Variants in PHC2 observed in about 807,000 individuals in gnomAD.
The protein encoded by PHC2 is polyhomeotic homolog 2.
A neutral mutation model predicts 87.4 loss-of-function variants in PHC2; 29 were observed. That is an observed-to-expected ratio of 0.33 (90% CI 0.25 to 0.45). PHC2 has a LOEUF of 0.45. Among genes scored for constraint, PHC2 ranks in the 20% least tolerant of loss-of-function variants. PHC2 has a pLI of 1.00. For synonymous variants in PHC2, 438 were observed against 461.7 expected, an observed-to-expected ratio of 0.95 and a Z score of 0.66; for missense variants, 857 against 1,136.7, an observed-to-expected ratio of 0.75 and a Z score of 3.54.
At chr1:33,329,340 A>G (rs1370771694) in intron 13 of PHC2, among the ~76,000 whole-genome samples, 194 bp from the exon 14 acceptor site, 1 of 152,148 alleles carries the variant, frequency 6.6e-6, no homozygotes, top group African/African-American at 2.4e-5. Flanking sequence ...TGTAGTGTCT[A>G]CCACACAATA....
intron 1 of PHC2, among the ~76,000 whole-genome samples, chr1:33,393,195 C>T (rs12043842): frequency 0.17 from 26,327 of 152,122 alleles, 2,807 homozygotes; most frequent in South Asian, 0.27. Context: ...AGAGCAACCT[C>T]GAATACTCTG....
chr1:33,403,725 G>T (rs998971572), intron 1 of PHC2, among the ~76,000 whole-genome samples: 2 of 152,108 alleles, frequency 1.3e-5, no homozygotes, highest in Non-Finnish European at 2.9e-5. Flanking sequence ...CTTTCACTGA[G>T]GTCAGAGACT....
chr1:33,371,244 C>A lies in PHC2; in HGVS notation c.334-150G>T. Reference sequence around the variant, plus strand: ...CAACCTGCCTCTATGTGGCCCACAGCAAGTATCCCGCCTCCTCTGTGAATA... The same window carrying A: ...CAACCTGCCTCTATGTGGCCCACAGAAAGTATCCCGCCTCCTCTGTGAATA... On this transcript the variant is annotated intron_variant, in intron 3 of 14. Transcript: ENST00000683057. The A allele has an allele frequency of 6.0e-6, 4 of 661,326 alleles. No homozygotes were observed. In the South Asian group the frequency reaches 6.8e-5, roughly 11 times the overall value. 41.0% of individuals were successfully genotyped at this position (661,326 alleles called of 1,614,324 possible). A position where few individuals can be genotyped will look rare whatever the true frequency, so the allele number is the denominator to read the frequency against.
intron 1 of PHC2, among the ~76,000 whole-genome samples, chr1:33,426,562 T>C (rs1033204239): frequency 3.3e-5 from 5 of 152,216 alleles, no homozygotes; most frequent in African/African-American, 9.6e-5. Flanking sequence ...CTCTCTCCAG[T>C]AATACCCTCA....
rs780722222 is a variant in PHC2, at chr1:33,367,237, G to T, written c.855C>A (p.Asp285Glu). The T allele has an allele frequency of 1.9e-6, 3 of 1,614,038 alleles. No individual in the cohort carries two copies. Among genetic ancestry groups the T allele is most frequent in the Non-Finnish European group, 8.5e-7 (1 of 1,179,986 alleles). Residue 285 changes from aspartate to glutamate, a missense_variant, in exon 7 of 15, where the codon GAC (aspartate) becomes GAA (glutamate). Around this residue, in one of 3 missense-constraint regions of PHC2, gnomAD observed 832 missense variants for 1,081.8 expected, o/e 0.77. Transcript: ENST00000683057. ...SPAGAKPGIADSVMEPHKKGD... is the reference protein window; with the variant it reads ...SPAGAKPGIAESVMEPHKKGD... The stretch of plus-strand genomic sequence containing the variant: ...CTTTCTTGTGTGGCTCCATCACACT[G>T]TCAGCTATGCCAGGCTTGGCACCTG...
At chr1:33,338,419 G>A (rs1015255746) in intron 9 of PHC2, among the ~76,000 whole-genome samples, 5 of 152,242 alleles carry the variant, frequency 3.3e-5, no homozygotes, top group African/African-American at 1.2e-4. Context: ...AGATGGGAGA[G>A]TGTTTTATGA....
At position 33,372,339 on chromosome 1, in the gene PHC2, G is replaced by C. The variant is rs1429502467; in HGVS notation, c.283C>G (p.Gln95Glu). The C allele has an allele frequency of 7.5e-6, 12 of 1,603,452 alleles. No individual in the cohort carries two copies. Among genetic ancestry groups the C allele is most frequent in the Non-Finnish European group, 1.0e-5 (12 of 1,173,744 alleles). The stretch of plus-strand genomic sequence containing the variant: ...AGCTGGGCGCTGCTGAGGTGCTGCT[G>C]CTGGAGCGCCGCGGTCTGCAGCATG... ...HLMLQTAALQ[Q>E]QHLSSAQLQS... The change falls in exon 3 of 15, where the codon CAG becomes GAG. Residue 95 changes from glutamine to glutamate, a missense_variant. Coordinates refer to ENST00000683057, the MANE Select transcript of PHC2 (RefSeq NM_001385109.1).
intron 9 of PHC2, among the ~76,000 whole-genome samples, chr1:33,340,612 C>T (rs1048768421): frequency 3.3e-5 from 5 of 152,136 alleles, no homozygotes; most frequent in African/African-American, 1.2e-4. Flanking sequence ...TTTGGGCCCC[C>T]AAAGAAATTA....
chr1:33,418,698 T>C (rs942534999), intron 1 of PHC2, among the ~76,000 whole-genome samples: 1 of 152,102 alleles, frequency 6.6e-6, no homozygotes, highest in African/African-American at 2.4e-5. Context: ...CTATATAAAC[T>C]CTTCTGGAAA....
chr1:33,327,913 C>G (rs2148184298), intron 14 of PHC2, among the ~76,000 whole-genome samples: 1 of 152,326 alleles, frequency 6.6e-6, no homozygotes, highest in Admixed American at 6.5e-5. Context: ...GCCCAGGAAG[C>G]CACTCCTGAA....
At chr1:33,351,351 A>T (rs1174679757) in intron 9 of PHC2, among the ~76,000 whole-genome samples, 1 of 152,224 alleles carries the variant, frequency 6.6e-6, no homozygotes, top group East Asian at 1.9e-4. Context: ...GAACACTGGC[A>T]ATGTGATGGT....
At chr1:33,424,683 T>C (rs1650596386) in intron 1 of PHC2, among the ~76,000 whole-genome samples, 1 of 152,236 alleles carries the variant, frequency 6.6e-6, no homozygotes, top group Admixed American at 6.5e-5. Context: ...ATACATTTAA[T>C]ATGTATTCGG....
At chr1:33,356,781 G>A (rs552157310) in intron 7 of PHC2, among the ~76,000 whole-genome samples, 1 of 152,266 alleles carries the variant, frequency 6.6e-6, no homozygotes, top group Admixed American at 6.5e-5. Context: ...TCGTCATCAT[G>A]GCCCGTTCTC....
rs193137690 is a variant in PHC2, at chr1:33,365,128, C to T, written c.976+1988G>A. 2.6e-4 allele frequency among the ~76,000 whole-genome samples: 40 copies of T among 152,274 alleles called. No homozygotes were observed. The South Asian group carries it at 3.9e-3, about 15-fold the overall frequency. On this transcript the variant is annotated intron_variant, in intron 7 of 14. Transcript: ENST00000683057. ...CTTACTACTTAGGTGACTTTGAGTGCGTGACGGATGTGGTAAGCTCCTGGA... is the reference window on the plus strand; with the variant it reads ...CTTACTACTTAGGTGACTTTGAGTGTGTGACGGATGTGGTAAGCTCCTGGA...
Position 33,351,533 on chromosome 1 carries a change from A to G in PHC2, c.1558+2868T>C, listed in dbSNP as rs142551165. On this transcript the variant is annotated intron_variant, in intron 9 of 14. Coordinates refer to ENST00000683057, the MANE Select transcript of PHC2 (RefSeq NM_001385109.1). The stretch of plus-strand genomic sequence containing the variant: ...TTATCGCATTTTACTTTCTATTGTA[A>G]TTTTTTTCCTGTGCATTTTTCATCG... 9.3e-3 allele frequency among the ~76,000 whole-genome samples: 1,412 copies of G among 152,080 alleles called. 5 individuals carry two copies. Among genetic ancestry groups the G allele is most frequent in the African/African-American group, 0.016 (678 of 41,444 alleles).
intron 13 of PHC2, 56 bp from the exon 14 acceptor site, chr1:33,329,202 G>A: frequency 2.6e-6 from 4 of 1,562,180 alleles, no homozygotes; most frequent in Non-Finnish European, 3.5e-6. Flanking sequence ...TAGCAGCAGT[G>A]ATGAACAAAG....
chr1:33,342,383 CAA>C (rs1472146118), intron 9 of PHC2, among the ~76,000 whole-genome samples: 2 of 152,222 alleles, frequency 1.3e-5, no homozygotes, highest in African/African-American at 4.8e-5. Flanking sequence ...AGGACACAGG[CAA>C]AGAGAACGGC....
At chr1:33,366,433 G>A (rs992763095) in intron 7 of PHC2, among the ~76,000 whole-genome samples, 3 of 152,158 alleles carry the variant, frequency 2.0e-5, no homozygotes, top group African/African-American at 7.2e-5. Context: ...TGGATTCATC[G>A]GACCTGCCTC....
intron 1 of PHC2, among the ~76,000 whole-genome samples, chr1:33,412,353 A>G (rs1445214527): frequency 6.6e-6 from 1 of 152,206 alleles, no homozygotes; most frequent in Admixed American, 6.5e-5. Context: ...TTAACTATTA[A>G]TTATATGATA....
Sources: allele counts gnomAD v4.1 joint callset (sites outside exome capture counted in the v4.1 genomes callset), GRCh38; gene constraint gnomAD v4.1.1; regional missense constraint gnomAD v4.1.1; transcripts MANE v1.5; gene names NCBI Gene and HGNC (gene_info 2026-07-23, HGNC 2026-07-21).